TCERG1L: variants seen among roughly 807,000 people sequenced by gnomAD.
TCERG1L encodes transcription elongation regulator 1-like protein.
A neutral mutation model predicts 56.3 loss-of-function variants in TCERG1L; 37 were observed. The observed-to-expected ratio is 0.66, with a 90% CI of 0.51 to 0.87. TCERG1L has a LOEUF of 0.87. Ranked by LOEUF, TCERG1L falls within the 40% of genes least tolerant of loss-of-function variation. The pLI is 0.00. For synonymous variants in TCERG1L, 324 were observed against 326.3 expected, an observed-to-expected ratio of 0.99 and a Z score of 0.08; for missense variants, 799 against 774.2, an observed-to-expected ratio of 1.03 and a Z score of -0.38.
At chr10:131,290,500 G>A (rs879639936) in intron 3 of TCERG1L, among the ~76,000 whole-genome samples, 4 of 151,908 alleles carry the variant, frequency 2.6e-5, no homozygotes, top group Admixed American at 6.6e-5. Context: ...GCGTGGTGGC[G>A]GGTGCCTGTA....
chr10:131,195,542 T>A (rs1313147476), intron 4 of TCERG1L, among the ~76,000 whole-genome samples: 2 of 152,154 alleles, frequency 1.3e-5, no homozygotes, highest in Non-Finnish European at 2.9e-5. Flanking sequence ...CCCCCTCCCC[T>A]GTACCCCGAG....
At chr10:131,182,125 C>T (rs11017803) in intron 4 of TCERG1L, among the ~76,000 whole-genome samples, 10,755 of 152,188 alleles carry the variant, frequency 0.071, 439 homozygotes, top group Middle Eastern at 0.14. Flanking sequence ...TGTGTGCACA[C>T]AGGACGTGTG....
At chr10:131,234,685 C>T (rs11597125) in intron 4 of TCERG1L, among the ~76,000 whole-genome samples, 13 of 134,524 alleles carry the variant, frequency 9.7e-5, no homozygotes, top group Admixed American at 3.1e-4. Context: ...ATTTTGTTGT[C>T]GTTGTTTGTT....
At chr10:131,111,785 T>G (rs1247481756) in intron 9 of TCERG1L, among the ~76,000 whole-genome samples, 1 of 143,182 alleles carries the variant, frequency 7.0e-6, no homozygotes, top group African/African-American at 2.5e-5. Flanking sequence ...TAACACTATA[T>G]TTTTTCATGT....
chr10:131,299,157 T>C (rs937159904), intron 3 of TCERG1L, among the ~76,000 whole-genome samples: 2 of 152,294 alleles, frequency 1.3e-5, no homozygotes, highest in East Asian at 3.9e-4. Context: ...TTTCTTTTGA[T>C]TTATATTTAC....
At chr10:131,263,868 C>T (rs1315946258) in intron 3 of TCERG1L, among the ~76,000 whole-genome samples, 4 of 152,224 alleles carry the variant, frequency 2.6e-5, no homozygotes, top group Non-Finnish European at 5.9e-5. Flanking sequence ...TGGAATTTAA[C>T]CACTTAGTAG....
intron 3 of TCERG1L, among the ~76,000 whole-genome samples, chr10:131,289,267 G>A (rs1846580928): frequency 6.6e-6 from 1 of 151,636 alleles, no homozygotes; most frequent in South Asian, 2.1e-4. Flanking sequence ...AACAGCAGGT[G>A]ATACTCTCCT....
intron 8 of TCERG1L, among the ~76,000 whole-genome samples, chr10:131,122,495 G>A (rs1419125611): frequency 6.6e-6 from 1 of 152,204 alleles, no homozygotes; most frequent in East Asian, 1.9e-4. Context: ...CCCTTGAACA[G>A]TGAGGCTCAG....
At chr10:131,223,583 C>T (rs1845758784) in intron 4 of TCERG1L, among the ~76,000 whole-genome samples, 1 of 150,916 alleles carries the variant, frequency 6.6e-6, no homozygotes, top group Admixed American at 6.7e-5. Flanking sequence ...TAAAACAAAG[C>T]ACATGTGTGC....
intron 4 of TCERG1L, among the ~76,000 whole-genome samples, chr10:131,254,302 A>AATATATATAT (rs57689050): frequency 0.085 from 12,124 of 142,476 alleles, 617 homozygotes; most frequent in Admixed American, 0.15. Flanking sequence ...ACTGGATTTA[A>AATATATATAT]ATATATATAT....
chr10:131,140,620 C>T (rs146300615), intron 7 of TCERG1L, among the ~76,000 whole-genome samples: 249 of 152,246 alleles, frequency 1.6e-3, no homozygotes, highest in African/African-American at 5.7e-3. Flanking sequence ...TTCCTGGGCA[C>T]GAAGAGGGGC....
intron 3 of TCERG1L, among the ~76,000 whole-genome samples, chr10:131,293,597 C>T (rs1047979449): frequency 9.2e-5 from 14 of 152,132 alleles, no homozygotes; most frequent in Non-Finnish European, 1.6e-4. Flanking sequence ...AAACTTCTCC[C>T]TCACACAGAA....
chr10:131,248,596 T>C (rs1434727613), intron 4 of TCERG1L, among the ~76,000 whole-genome samples: 2 of 152,142 alleles, frequency 1.3e-5, no homozygotes, highest in African/African-American at 4.8e-5. Context: ...TGCCTTGGGC[T>C]GTGTGTGGCT....
At chr10:131,153,669 T>A (rs191358916) in intron 6 of TCERG1L, among the ~76,000 whole-genome samples, 2 of 152,246 alleles carry the variant, frequency 1.3e-5, no homozygotes, top group East Asian at 3.9e-4. Context: ...TGACTCTAGG[T>A]CCCCGGTTCT....
At chr10:131,117,573 C>A (rs999674484) in intron 8 of TCERG1L, among the ~76,000 whole-genome samples, 25 of 152,218 alleles carry the variant, frequency 1.6e-4, no homozygotes, top group Admixed American at 7.2e-4. Context: ...GCGGCCCCTG[C>A]CAAGGCCCCG....
intron 4 of TCERG1L, among the ~76,000 whole-genome samples, chr10:131,208,299 T>C (rs1453263370): frequency 6.6e-6 from 1 of 152,184 alleles, no homozygotes; most frequent in African/African-American, 2.4e-5. Flanking sequence ...AGGATGCCTA[T>C]CATCTGTGTC....
chr10:131,129,683 G>A (rs1041614523), intron 8 of TCERG1L, among the ~76,000 whole-genome samples: 7 of 152,108 alleles, frequency 4.6e-5, no homozygotes, highest in Non-Finnish European at 1.0e-4. Context: ...TGTCTTTGAT[G>A]GAAATCACTC....
chr10:131,291,636 C>CA (rs1370422614), intron 3 of TCERG1L, among the ~76,000 whole-genome samples: 1 of 151,482 alleles, frequency 6.6e-6, no homozygotes, highest in Non-Finnish European at 1.5e-5. Context: ...CCGTGTTAGC[C>CA]AAGGTGGTCT....
intron 3 of TCERG1L, among the ~76,000 whole-genome samples, chr10:131,298,186 G>T (rs1564836546): frequency 6.8e-6 from 1 of 147,738 alleles, no homozygotes; most frequent in Non-Finnish European, 1.5e-5. Flanking sequence ...TGCTATAAAT[G>T]TCCATCTAAG....
Sources: gnomAD v4.1 joint callset for allele counts (sites outside exome capture counted in the v4.1 genomes callset) on GRCh38, gnomAD v4.1.1 for gene constraint, MANE v1.5 for transcripts, NCBI Gene and HGNC (gene_info 2026-07-23, HGNC 2026-07-21) for gene names.